ADH6: variants seen among roughly 807,000 people sequenced by gnomAD.
The protein encoded by ADH6 is alcohol dehydrogenase 6 (class V).
ADH6 carries 34 observed loss-of-function variants against 36.5 expected under a neutral mutation model. The observed-to-expected ratio is 0.93, with a 90% CI of 0.71 to 1.24. The LOEUF is 1.24. Ranked by LOEUF, ADH6 falls within the 50% of genes most tolerant of loss-of-function variation. ADH6 has a pLI of 0.00. For synonymous variants in ADH6, 161 were observed against 155.5 expected (o/e 1.04, Z -0.26); for missense variants, 440 against 447.0 (o/e 0.98, Z 0.14).
chr4:99,219,127 G>A lies in ADH6; in HGVS notation c.18+8C>T, dbSNP rs1284759633. The A allele has an allele frequency of 6.2e-7, 1 of 1,610,694 alleles. No homozygotes were observed. The highest frequency in any genetic ancestry group is 1.7e-5 in the Admixed American group (1 of 60,000). On this transcript the variant is annotated splice_region_variant and intron_variant, in intron 1 of 8. Coordinates refer to ENST00000394899, the MANE Select transcript of ADH6 (RefSeq NM_001102470.2). ...ATGACACAACATAAAGAATAAGACT[G>A]CACCTACTTGGCCTGTAGTACTCAT...
rs1730940366 is a variant in ADH6 at position 99,204,160 on chromosome 4, C to T, written c.*59G>A. 3 of 1,538,724 alleles carry T rather than the reference C, an allele frequency of 1.9e-6. No homozygotes were observed. The highest frequency in any genetic ancestry group is 2.6e-6 in the Non-Finnish European group (3 of 1,137,672). ...TAATTCTTCTAAATCATGAAAATTA[C>T]ATCAAATGCCATTGAGTTGGTGAAA... On this transcript the variant is annotated 3_prime_UTR_variant, in exon 9 of 9. Transcript: ENST00000394899.
In ADH6 at chr4:99,219,125, C is replaced by CT. The variant is rs748406051; in HGVS notation, c.18+9dup. 6.2e-7 allele frequency: 1 copy of CT among 1,610,502 alleles called. No individual in the cohort carries two copies. The highest frequency in any genetic ancestry group is 1.1e-5 in the South Asian group (1 of 90,990). On this transcript the variant is annotated intron_variant, in intron 1 of 8. Coordinates refer to ENST00000394899, the MANE Select transcript of ADH6 (RefSeq NM_001102470.2). ...ATATGACACAACATAAAGAATAAGA[C>CT]TGCACCTACTTGGCCTGTAGTACTC...
At chr4:99,210,033 A>G (rs1432761705) in intron 5 of ADH6, 49 bp downstream of exon 5, 1 of 1,580,846 alleles carries the variant, frequency 6.3e-7, no homozygotes, top group African/African-American at 1.3e-5. Flanking sequence ...AGGCCTTTCA[A>G]CTCCATATCC....
rs569961609 is a variant in ADH6, at chr4:99,203,535, G to A, written c.*684C>T. 11 of 152,142 alleles carry A rather than the reference G, an allele frequency of 7.2e-5. No homozygotes were observed. The highest frequency in any genetic ancestry group is 2.1e-4 in the South Asian group (1 of 4,822). The allele number at this position is 152,142 out of a possible 1,614,324, so 9.4% of individuals were successfully genotyped here. On this transcript the variant is annotated 3_prime_UTR_variant, in exon 9 of 9. Transcript: ENST00000394899. ...AGTTTTGTTATTTAATATTACAACC[G>A]CTTTGTAGGAAGTGTGGATCCTGCT... is the stretch of plus-strand genomic sequence containing the variant.
chr4:99,204,784 G>A, intron 8 of ADH6, 141 bp downstream of exon 8: 1 of 1,333,102 alleles, frequency 7.5e-7, no homozygotes, highest in Non-Finnish European at 9.6e-7. Context: ...GGAAGGAGAT[G>A]CTTTACAAAT....
intron 1 of ADH6, among the ~76,000 whole-genome samples, chr4:99,216,742 G>A (rs1273682685): frequency 3.3e-5 from 5 of 151,890 alleles, no homozygotes; most frequent in Non-Finnish European, 5.9e-5. Flanking sequence ...CTACTCAGGA[G>A]GCTGAGGCAG....
chr4:99,207,383 C>T (rs1731071470), intron 7 of ADH6, 63 bp downstream of exon 7: 9 of 1,600,056 alleles, frequency 5.6e-6, no homozygotes, highest in Non-Finnish European at 7.7e-6. Flanking sequence ...GTTTATGGTA[C>T]ATTTTTCTAT....
intron 5 of ADH6, among the ~76,000 whole-genome samples, chr4:99,209,455 G>A (rs1731150720): frequency 6.6e-6 from 1 of 151,878 alleles, no homozygotes; most frequent in Non-Finnish European, 1.5e-5. Flanking sequence ...TGGGACTGAT[G>A]GACACTGGAA....
At chr4:99,211,839 A>T (rs28891987) in intron 3 of ADH6, among the ~76,000 whole-genome samples, 20,585 of 152,144 alleles carry the variant, frequency 0.14, 1,650 homozygotes, top group Non-Finnish European at 0.18. Flanking sequence ...GAGCAATTTC[A>T]GGGAGCCGAC....
At chr4:99,211,182 A>G (rs985661127) in intron 3 of ADH6, among the ~76,000 whole-genome samples, 1 of 152,128 alleles carries the variant, frequency 6.6e-6, no homozygotes, top group African/African-American at 2.4e-5. Context: ...TAACACATAC[A>G]TATGGTAAAA....
At chr4:99,205,676 C>G (rs28720159) in intron 7 of ADH6, among the ~76,000 whole-genome samples, 1 of 152,026 alleles carries the variant, frequency 6.6e-6, no homozygotes, top group Non-Finnish European at 1.5e-5. Flanking sequence ...TCTCTATTCC[C>G]GTGATTTTCA....
rs920417328 is a variant in ADH6, at chr4:99,216,622, G to A, written c.19-360C>T. On this transcript the variant is annotated intron_variant, in intron 1 of 8. Coordinates refer to ENST00000394899, the MANE Select transcript of ADH6 (RefSeq NM_001102470.2). ...AGCACTTTGGGAGGTCGAGGCGGGC[G>A]GATCACAAGGTCGGGAGTTTGAGAC... Among the ~76,000 whole-genome samples the A allele has an allele frequency of 3.3e-5, 5 of 152,022 alleles. No homozygotes were observed. In the East Asian group the frequency reaches 5.8e-4, roughly 18 times the overall value.
chr4:99,218,455 T>C (rs1044663808), intron 1 of ADH6, among the ~76,000 whole-genome samples: 1 of 152,216 alleles, frequency 6.6e-6, no homozygotes, highest in African/African-American at 2.4e-5. Context: ...CTTTATACCA[T>C]TGCCATTTGA....
Position 99,203,127 on chromosome 4 carries a change from A to T in ADH6, c.*1092T>A, listed in dbSNP as rs1730912723. 1 of 208,194 alleles carries T rather than the reference A, an allele frequency of 4.8e-6. No homozygotes were observed. Among genetic ancestry groups the T allele is most frequent in the Non-Finnish European group, 9.5e-6 (1 of 104,964 alleles). 12.9% of individuals were successfully genotyped at this position (208,194 alleles called of 1,614,324 possible). ...TTCCATTTTTTGGTCTCCCAAGGTC[A>T]TCCAAAGTTTACTGACATGCAGGGA... On this transcript the variant is annotated 3_prime_UTR_variant, in exon 9 of 9. Coordinates refer to ENST00000394899, the MANE Select transcript of ADH6 (RefSeq NM_001102470.2).
chr4:99,207,356 T>G, intron 7 of ADH6, 90 bp downstream of exon 7: 1 of 1,538,994 alleles, frequency 6.5e-7, no homozygotes, highest in South Asian at 1.2e-5. Context: ...GCTGTTGTTT[T>G]ATGTCCTTTC....
At chr4:99,205,211 A>G (rs745643994) in intron 7 of ADH6, 148 bp from the exon 8 acceptor site, 4 of 740,360 alleles carry the variant, frequency 5.4e-6, no homozygotes, top group Non-Finnish European at 8.4e-6. Context: ...GAGAATGCCT[A>G]CCCCAACCAC....
intron 1 of ADH6, among the ~76,000 whole-genome samples, chr4:99,216,575 G>T (rs1013839640): frequency 8.6e-5 from 13 of 151,856 alleles, no homozygotes; most frequent in Non-Finnish European, 1.5e-4. Context: ...GGCCAGGCAC[G>T]GTGGCTCACG....
At chr4:99,208,595 A>C in intron 6 of ADH6, 73 bp downstream of exon 6, 1 of 1,477,814 alleles carries the variant, frequency 6.8e-7, no homozygotes, top group Non-Finnish European at 9.1e-7. Flanking sequence ...GAATTTTAGA[A>C]AGCTCATTCA....
At chr4:99,217,302 C>T (rs1229143445) in intron 1 of ADH6, among the ~76,000 whole-genome samples, 2 of 152,160 alleles carry the variant, frequency 1.3e-5, no homozygotes, top group Non-Finnish European at 2.9e-5. Flanking sequence ...TCCCAAAGTG[C>T]TGGGATTACA....
Sources: allele counts gnomAD v4.1 joint callset (sites outside exome capture counted in the v4.1 genomes callset), GRCh38; gene constraint gnomAD v4.1.1; transcripts MANE v1.5; gene names NCBI Gene and HGNC (gene_info 2026-07-23, HGNC 2026-07-21).